Variants in DNAH14 observed in about 807,000 individuals in gnomAD.
The protein encoded by DNAH14 is axonemal beta dynein heavy chain 14.
In DNAH14, 478 loss-of-function variants were observed where a neutral mutation model predicts 520.9. The observed-to-expected ratio is 0.92, with a 90% CI of 0.85 to 0.99. The LOEUF (loss-of-function observed/expected upper bound fraction) is 0.99, where lower values mean the gene tolerates loss of function less well. Ranked by LOEUF, DNAH14 falls within the 50% of genes least tolerant of loss-of-function variation. DNAH14 has a pLI of 0.00. For missense variants in DNAH14, 4,831 were observed against 5,234.5 expected (o/e 0.92, Z 2.38); for synonymous variants, 1,581 against 1,757.2 (o/e 0.90, Z 2.51).
intron 27 of DNAH14, among the ~76,000 whole-genome samples, chr1:225,135,125 AT>A (rs1257995250): frequency 1.3e-5 from 2 of 151,808 alleles, no homozygotes. Flanking sequence ...GGATTTGCTA[AT>A]TTTTTAAAGG....
intron 5 of DNAH14, among the ~76,000 whole-genome samples, chr1:224,965,587 C>T (rs1241936445): frequency 6.6e-6 from 1 of 152,090 alleles, no homozygotes; most frequent in African/African-American, 2.4e-5. Flanking sequence ...TGGCCCTGCT[C>T]TACACTGTTA....
At chr1:225,360,080 T>C (rs1237026419) in intron 74 of DNAH14, among the ~76,000 whole-genome samples, 2 of 152,204 alleles carry the variant, frequency 1.3e-5, no homozygotes, top group Non-Finnish European at 2.9e-5. Flanking sequence ...TTCCCACTTA[T>C]AGGTGAGAAC....
chr1:225,366,485 A>G (rs2095554707), intron 76 of DNAH14, among the ~76,000 whole-genome samples: 1 of 152,194 alleles, frequency 6.6e-6, no homozygotes, highest in Non-Finnish European at 1.5e-5. Context: ...CTACTTTTAG[A>G]GATATGAGAA....
At chr1:224,966,076 A>G (rs1308708413) in intron 5 of DNAH14, among the ~76,000 whole-genome samples, 1 of 152,164 alleles carries the variant, frequency 6.6e-6, no homozygotes, top group African/African-American at 2.4e-5. Flanking sequence ...CCTAATTTAG[A>G]ATATAGATAA....
Position 225,351,704 on chromosome 1 carries a change from G to A in DNAH14, c.11354G>A (p.Arg3785Lys), listed in dbSNP as rs1218841848. 3 of 1,551,008 alleles carry A rather than the reference G, an allele frequency of 1.9e-6. No homozygotes were observed. Among genetic ancestry groups the A allele is most frequent in the Admixed American group, 3.9e-5 (2 of 50,930 alleles). Reference sequence around the variant, plus strand: ...CAGTGGCTGTCAGATTCCAGGTGGAGGCAGTGCCAATATGTCAGCACTCAC... The same window carrying A: ...CAGTGGCTGTCAGATTCCAGGTGGAAGCAGTGCCAATATGTCAGCACTCAC... ...HLQWLSDSRWRQCQYVSTHLE... is the reference protein window; with the variant it reads ...HLQWLSDSRWKQCQYVSTHLE... The change falls in exon 72 of 86, where the codon AGG becomes AAG. Residue 3785 changes from arginine (R) to lysine (K), a missense_variant. Physicochemically the swap from Arg to Lys is conservative, Grantham distance 26. Transcript: ENST00000682510.
chr1:224,983,027 C>A (rs1382681504), intron 8 of DNAH14, among the ~76,000 whole-genome samples: 4 of 152,110 alleles, frequency 2.6e-5, no homozygotes, highest in Non-Finnish European at 4.4e-5. Flanking sequence ...GTTTTGATTA[C>A]CTGTCTAGTG....
At chr1:225,335,244 T>TA (rs2094915941) in intron 66 of DNAH14, among the ~76,000 whole-genome samples, 1 of 118,798 alleles carries the variant, frequency 8.4e-6, no homozygotes, top group South Asian at 3.1e-4. Flanking sequence ...CATGTGTACA[T>TA]TGTGTGTATA....
rs938314163 is a variant in DNAH14 at position 225,298,937 on chromosome 1, G to A, written c.8470-1932G>A. Among the ~76,000 whole-genome samples the A allele has an allele frequency of 5.3e-5, 8 of 152,304 alleles. No individual in the cohort carries two copies. The East Asian group carries it at 5.8e-4, about 11-fold the overall frequency. ...CTTGACTCCCAGCTGATCTGGACAGGGGAGACAGGGCTGCAGAGGCAGGAT... is the reference window on the plus strand; with the variant it reads ...CTTGACTCCCAGCTGATCTGGACAGAGGAGACAGGGCTGCAGAGGCAGGAT... On this transcript the variant is annotated intron_variant, in intron 55 of 85. Transcript: ENST00000682510.
intron 55 of DNAH14, among the ~76,000 whole-genome samples, chr1:225,295,479 T>G (rs535388874): frequency 6.6e-6 from 1 of 152,324 alleles, no homozygotes; most frequent in South Asian, 2.1e-4. Context: ...AATTCTTAAA[T>G]TTCATTCTTA....
chr1:224,997,683 T>C (rs1438032077), intron 8 of DNAH14, among the ~76,000 whole-genome samples: 3 of 152,168 alleles, frequency 2.0e-5, no homozygotes, highest in African/African-American at 7.2e-5. Flanking sequence ...AATCTGGGCC[T>C]GGAGATTGCT....
rs563901035 is a variant in DNAH14, at chr1:224,964,467, G to A, written c.368-12G>A. On this transcript the variant is annotated splice_polypyrimidine_tract_variant and intron_variant, in intron 4 of 85. Coordinates refer to ENST00000682510, the MANE Select transcript of DNAH14 (RefSeq NM_001367479.1). ...TGCACTTATACTGGATTTTTAAATT[G>A]TTCTATACCAGAACCAAAAGATGAT... 1 of 1,601,214 alleles carries A rather than the reference G, an allele frequency of 6.2e-7. No homozygotes were observed. The highest frequency in any genetic ancestry group is 2.2e-5 in the East Asian group (1 of 44,520).
intron 27 of DNAH14, among the ~76,000 whole-genome samples, chr1:225,137,194 A>G (rs1372039690): frequency 1.3e-5 from 2 of 152,132 alleles, no homozygotes; most frequent in East Asian, 1.9e-4. Context: ...GTTGAAATCA[A>G]TTGGAAGAGG....
At chr1:225,349,752 A>G (rs1377677618) in intron 71 of DNAH14, among the ~76,000 whole-genome samples, 1 of 152,226 alleles carries the variant, frequency 6.6e-6, no homozygotes, top group African/African-American at 2.4e-5. Context: ...GAAGATATGT[A>G]GTAATAAATG....
intron 85 of DNAH14, 46 bp from the exon 86 acceptor site, chr1:225,399,008 A>C: frequency 2.2e-6 from 3 of 1,365,944 alleles, no homozygotes; most frequent in Non-Finnish European, 3.0e-6. Flanking sequence ...CTACTGATTC[A>C]CTTGAACTAT....
At chr1:224,973,457 C>T (rs1185751385) in intron 7 of DNAH14, among the ~76,000 whole-genome samples, 1 of 152,172 alleles carries the variant, frequency 6.6e-6, no homozygotes, top group Non-Finnish European at 1.5e-5. Context: ...TTAGACTAGT[C>T]CCACACGTGC....
chr1:225,272,015 A>G lies in DNAH14; in HGVS notation c.7781A>G (p.Asn2594Ser), dbSNP rs2093327646. 7 of 1,550,940 alleles carry G rather than the reference A, an allele frequency of 4.5e-6. No individual in the cohort carries two copies. The highest frequency in any genetic ancestry group is 1.7e-4 in the Middle Eastern group (1 of 5,974). The change falls in exon 51 of 86, where the codon AAT becomes AGT. Residue 2594 changes from asparagine to serine, a missense_variant. Transcript: ENST00000682510. ...SLAIYHQVRQ[N>S]MLPTPTKCHY... ...GCTATATACCATCAAGTACGTCAGA[A>G]TATGTTACCAACTCCAACAAAATGT...
intron 17 of DNAH14, among the ~76,000 whole-genome samples, chr1:225,063,909 GAT>G (rs1157937694): frequency 2.3e-4 from 32 of 139,720 alleles, no homozygotes; most frequent in Non-Finnish European, 4.1e-4. Flanking sequence ...CCCAAAAAAA[GAT>G]AAAGAATAAA....
Position 225,123,530 on chromosome 1 carries a change from T to C in DNAH14, c.4170T>C (p.Phe1390=). ...AAATAAATTTTTTAATTTGTAGATT[T>C]TTAAGTCAAGGGATTGAAGACTGGA... ...EKSMFDVLKK[F]LSQGIEDWNC... Residue 1390 remains phenylalanine, a synonymous_variant, in exon 27 of 86, where the codon TTT becomes TTC. Coordinates refer to ENST00000682510, the MANE Select transcript of DNAH14 (RefSeq NM_001367479.1). 1 of 414,840 alleles carries C rather than the reference T, an allele frequency of 2.4e-6. No individual in the cohort carries two copies. Among genetic ancestry groups the C allele is most frequent in the Non-Finnish European group, 5.0e-6 (1 of 200,162 alleles). The allele number at this position is 414,840 out of a possible 1,614,324, so 25.7% of individuals were successfully genotyped here.
chr1:225,146,585 G>C (rs1351345), intron 30 of DNAH14, among the ~76,000 whole-genome samples: 1 of 152,066 alleles, frequency 6.6e-6, no homozygotes, highest in Non-Finnish European at 1.5e-5. Context: ...CAGCAGCTGC[G>C]TGCTTTAGCT....
Sources: gnomAD v4.1 joint callset for allele counts (sites outside exome capture counted in the v4.1 genomes callset) on GRCh38, gnomAD v4.1.1 for gene constraint, MANE v1.5 for transcripts, NCBI Gene and HGNC (gene_info 2026-07-23, HGNC 2026-07-21) for gene names.